GALNT18: variants seen among roughly 807,000 people sequenced by gnomAD.
GALNT18 encodes GalNAc-transferase 18.
In GALNT18, 44 loss-of-function variants were observed where a neutral mutation model predicts 69.5. That is an observed-to-expected ratio of 0.63 (90% CI 0.50 to 0.81). GALNT18 has a LOEUF of 0.81. Ranked by LOEUF, GALNT18 falls within the 40% of genes least tolerant of loss-of-function variation. GALNT18 has a pLI of 0.00. For missense variants in GALNT18, 715 were observed against 810.0 expected, an observed-to-expected ratio of 0.88 and a Z score of 1.42; for synonymous variants, 364 against 318.2, an observed-to-expected ratio of 1.14 and a Z score of -1.53.
intron 10 of GALNT18, among the ~76,000 whole-genome samples, chr11:11,281,524 G>A (rs557922821): frequency 5.3e-5 from 8 of 152,302 alleles, no homozygotes; most frequent in East Asian, 1.9e-4. Context: ...TGCCAACAGC[G>A]AGGTGCTGTG....
At chr11:11,283,258 C>T (rs576722201) in intron 10 of GALNT18, among the ~76,000 whole-genome samples, 142 of 152,232 alleles carry the variant, frequency 9.3e-4, no homozygotes, top group African/African-American at 3.1e-3. Flanking sequence ...GTGATTCTCC[C>T]GCCTCAGCTG....
chr11:11,352,541 A>G (rs1216783442), intron 6 of GALNT18: 1 of 1,614,166 alleles, frequency 6.2e-7, no homozygotes, highest in Non-Finnish European at 8.5e-7. Context: ...AGTATCGGGA[A>G]GCAACTCGGA....
At chr11:11,468,402 T>C (rs1856197680) in intron 1 of GALNT18, among the ~76,000 whole-genome samples, 1 of 152,234 alleles carries the variant, frequency 6.6e-6, no homozygotes, top group South Asian at 2.1e-4. Context: ...TGGTGAGTGC[T>C]CGCCTCCTTC....
intron 1 of GALNT18, among the ~76,000 whole-genome samples, chr11:11,533,454 G>A (rs945054519): frequency 6.6e-6 from 1 of 152,124 alleles, no homozygotes; most frequent in Non-Finnish European, 1.5e-5. Flanking sequence ...ATGCCACAGT[G>A]CTCTTTATCC....
chr11:11,552,989 G>T (rs932828850), intron 1 of GALNT18, among the ~76,000 whole-genome samples: 1 of 152,172 alleles, frequency 6.6e-6, no homozygotes, highest in Non-Finnish European at 1.5e-5. Context: ...CCTGGGCTTT[G>T]CTTACTTGGG....
chr11:11,477,077 T>C (rs1856417756), intron 1 of GALNT18, among the ~76,000 whole-genome samples: 1 of 152,158 alleles, frequency 6.6e-6, no homozygotes, highest in Non-Finnish European at 1.5e-5. Flanking sequence ...CAGAATAGAT[T>C]TGGGTTCCCT....
chr11:11,477,205 T>A (rs4243930), intron 1 of GALNT18, among the ~76,000 whole-genome samples: 6 of 152,128 alleles, frequency 3.9e-5, no homozygotes, highest in African/African-American at 1.4e-4. Context: ...ATGGAGGGAA[T>A]GCCAGCCTGC....
chr11:11,465,348 C>A lies in GALNT18; in HGVS notation c.236-16412G>T, dbSNP rs1856133760. 6.6e-6 allele frequency among the ~76,000 whole-genome samples: 1 copy of A among 152,112 alleles called. No homozygotes were observed. Among genetic ancestry groups the A allele is most frequent in the African/African-American group, 2.4e-5 (1 of 41,416 alleles). ...ATCCATCACACTGTGTAGCCCAGGG[C>A]TAGGAAGCAGAGATTCCCACCTTAT... On this transcript the variant is annotated intron_variant, in intron 1 of 10. Coordinates refer to ENST00000227756, the MANE Select transcript of GALNT18 (RefSeq NM_198516.3). The surrounding 1 kb of genome is among the most constrained non-coding windows in gnomAD (Gnocchi z 5.7).
At chr11:11,502,187 G>C (rs559296924) in intron 1 of GALNT18, among the ~76,000 whole-genome samples, 11 of 152,322 alleles carry the variant, frequency 7.2e-5, no homozygotes, top group African/African-American at 2.6e-4. Flanking sequence ...GCATGAATAA[G>C]ATGTATCTCT....
intron 6 of GALNT18, among the ~76,000 whole-genome samples, chr11:11,359,569 C>T (rs911603740): frequency 6.6e-6 from 1 of 152,166 alleles, no homozygotes; most frequent in Non-Finnish European, 1.5e-5. Context: ...GACTCTGGCT[C>T]AGCCCTCCAC....
At chr11:11,313,779 A>G (rs1849706331) in intron 9 of GALNT18, among the ~76,000 whole-genome samples, 1 of 152,202 alleles carries the variant, frequency 6.6e-6, no homozygotes, top group Non-Finnish European at 1.5e-5. Flanking sequence ...CTCACCTGTA[A>G]AGAATAGCAG....
At chr11:11,475,809 C>T (rs574031314) in intron 1 of GALNT18, 1 of 152,332 alleles carries the variant, frequency 6.6e-6, no homozygotes, top group Admixed American at 6.5e-5. Flanking sequence ...GTCCCCAAGG[C>T]CTTCTGGATT....
intron 1 of GALNT18, among the ~76,000 whole-genome samples, chr11:11,545,717 C>T (rs1285395293): frequency 6.6e-6 from 1 of 152,164 alleles, no homozygotes; most frequent in African/African-American, 2.4e-5. Flanking sequence ...AAAGGTCAGT[C>T]CTTCACTCAG....
rs77600129 is a variant in GALNT18, at chr11:11,511,992, T to A, written c.236-63056A>T. Among the ~76,000 whole-genome samples, 1 of 152,202 alleles carries A rather than the reference T, an allele frequency of 6.6e-6. No individual in the cohort carries two copies. The highest frequency in any genetic ancestry group is 1.5e-5 in the Non-Finnish European group (1 of 68,032). On this transcript the variant is annotated intron_variant, in intron 1 of 10. Transcript: ENST00000227756. The surrounding 1 kb of genome is among the most constrained non-coding windows in gnomAD (Gnocchi z 4.9). ...ATATGTATGCATACCATCATATGTATACACATGTCTACATATATACACACA... is the reference window on the plus strand; with the variant it reads ...ATATGTATGCATACCATCATATGTAAACACATGTCTACATATATACACACA...
intron 1 of GALNT18, among the ~76,000 whole-genome samples, chr11:11,594,080 T>C (rs1218073950): frequency 6.6e-6 from 1 of 152,252 alleles, no homozygotes; most frequent in Non-Finnish European, 1.5e-5. Flanking sequence ...TCTGTGTATG[T>C]GCATTTGTGT....
chr11:11,552,345 A>T (rs1858217004), intron 1 of GALNT18, among the ~76,000 whole-genome samples: 1 of 152,220 alleles, frequency 6.6e-6, no homozygotes, highest in African/African-American at 2.4e-5. Context: ...TCTTTCAGAC[A>T]TCCACATTAT....
intron 1 of GALNT18, among the ~76,000 whole-genome samples, chr11:11,528,229 G>A (rs889624650): frequency 1.2e-4 from 19 of 152,226 alleles, no homozygotes; most frequent in Admixed American, 1.2e-3. Context: ...AATATTGTGT[G>A]TTTGTGGAAA....
chr11:11,420,489 C>T (rs1320393123), intron 3 of GALNT18, among the ~76,000 whole-genome samples: 1 of 152,194 alleles, frequency 6.6e-6, no homozygotes, highest in Admixed American at 6.5e-5. Context: ...TTGGGGCAGC[C>T]TTTCAGGAAA....
At chr11:11,441,027 C>T (rs571515764) in intron 2 of GALNT18, among the ~76,000 whole-genome samples, 50 of 152,320 alleles carry the variant, frequency 3.3e-4, no homozygotes, top group Non-Finnish European at 2.4e-4. Context: ...TGTCATACTA[C>T]CGAATTTCTC....
Sources: gnomAD v4.1 joint callset for allele counts (sites outside exome capture counted in the v4.1 genomes callset) on GRCh38, gnomAD v4.1.1 for gene constraint, Gnocchi (gnomAD v3.1) non-coding constraint, MANE v1.5 for transcripts, NCBI Gene and HGNC (gene_info 2026-07-23, HGNC 2026-07-21) for gene names.